The following ADAMTS6 variants were observed in gnomAD, a reference collection of about 807,000 sequenced individuals.
The protein encoded by ADAMTS6 is ADAM metallopeptidase with thrombospondin type 1 motif 6, also known as A disintegrin and metalloproteinase with thrombospondin motifs 6.
Under a neutral mutation model 144.3 loss-of-function variants are expected in ADAMTS6, and 23 were observed. The observed-to-expected ratio is 0.16, with a 90% CI of 0.11 to 0.23. The LOEUF is 0.23. ADAMTS6 is among the 10% of genes least tolerant of loss of function. The pLI is 1.00. For missense variants in ADAMTS6, 999 were observed against 1,379.6 expected (o/e 0.72, Z 4.37); for synonymous variants, 444 against 457.5 (o/e 0.97, Z 0.38).
intron 22 of ADAMTS6, among the ~76,000 whole-genome samples, chr5:65,182,462 AAAG>A (rs1454652749): frequency 6.6e-6 from 1 of 151,684 alleles, no homozygotes; most frequent in Non-Finnish European, 1.5e-5. Flanking sequence ...AAAAAAAAAA[AAAG>A]AAGGATGAGA....
chr5:65,340,967 G>A (rs969231590), intron 7 of ADAMTS6, among the ~76,000 whole-genome samples: 1 of 151,944 alleles, frequency 6.6e-6, no homozygotes, highest in African/African-American at 2.4e-5. Flanking sequence ...TCTAAAGAGA[G>A]AGATAGGCTG....
In ADAMTS6 at chr5:65,224,380, T is replaced by G. The variant is rs1223420113; in HGVS notation, c.2212A>C (p.Ile738Leu). The change falls in exon 18 of 25, where the codon ATA becomes CTA. Residue 738 changes from isoleucine to leucine, a missense_variant. Coordinates refer to ENST00000381055, the MANE Select transcript of ADAMTS6 (RefSeq NM_197941.4). ...TCAATGTGAACAGAGCCTCTTGGTATCTGCACCACTTCCATGTAGCCTGGA... is the reference window on the plus strand; with the variant it reads ...TCAATGTGAACAGAGCCTCTTGGTAGCTGCACCACTTCCATGTAGCCTGGA... ...PRGGYMEVVQ[I>L]PRGSVHIEVR... 6.2e-7 allele frequency: 1 copy of G among 1,614,126 alleles called. No individual in the cohort carries two copies.
intron 7 of ADAMTS6, among the ~76,000 whole-genome samples, chr5:65,373,788 G>T (rs375983924): frequency 6.6e-6 from 1 of 151,918 alleles, no homozygotes; most frequent in Non-Finnish European, 1.5e-5. Flanking sequence ...TACCAAAGCC[G>T]GGCAGAGACA....
At chr5:65,474,055 A>G (rs1263963717) in intron 1 of ADAMTS6, 103 bp from the exon 2 acceptor site, 1 of 375,598 alleles carries the variant, frequency 2.7e-6, no homozygotes, top group African/African-American at 2.1e-5. Context: ...CTACAAAATA[A>G]TATAGTTAAA....
chr5:65,415,404 A>C (rs2150189125), intron 7 of ADAMTS6: 1 of 162,020 alleles, frequency 6.2e-6, no homozygotes, highest in Middle Eastern at 2.8e-3. Context: ...AGGGATGGGA[A>C]ACCGCAGTGG....
At chr5:65,155,639 A>G (rs2111962009) in intron 24 of ADAMTS6, among the ~76,000 whole-genome samples, 1 of 152,342 alleles carries the variant, frequency 6.6e-6, no homozygotes, top group Middle Eastern at 3.4e-3. Flanking sequence ...ATAGACAGCA[A>G]AACATAAGCT....
chr5:65,333,524 T>TA lies in ADAMTS6; in HGVS notation c.1117+517dup, dbSNP rs113909783. 3.5e-3 allele frequency among the ~76,000 whole-genome samples: 527 copies of TA among 152,126 alleles called. 7 individuals carry two copies. Among genetic ancestry groups the TA allele is most frequent in the African/African-American group, 0.012 (507 of 41,534 alleles). On this transcript the variant is annotated intron_variant, in intron 8 of 24. Coordinates refer to ENST00000381055, the MANE Select transcript of ADAMTS6 (RefSeq NM_197941.4). ...TAGTATAAAATTTCCAATACTATCT[T>TA]AATTTATGGGGCTATACTTTTTCCA...
At chr5:65,449,062 T>C (rs985548962) in intron 7 of ADAMTS6, among the ~76,000 whole-genome samples, 11 of 152,188 alleles carry the variant, frequency 7.2e-5, no homozygotes, top group African/African-American at 2.7e-4. Flanking sequence ...TTAAAGATGA[T>C]ACTCCTCCCA....
intron 7 of ADAMTS6, among the ~76,000 whole-genome samples, chr5:65,372,190 T>A (rs553135904): frequency 8.3e-6 from 1 of 119,966 alleles, no homozygotes; most frequent in Non-Finnish European, 1.7e-5. Flanking sequence ...AAAGACCATC[T>A]GCATCAACTA....
chr5:65,462,861 C>T (rs189018031), intron 3 of ADAMTS6, among the ~76,000 whole-genome samples: 11 of 152,182 alleles, frequency 7.2e-5, no homozygotes, highest in Admixed American at 6.5e-4. Flanking sequence ...GCAGGTCAAT[C>T]ACGAGGTCAG....
At chr5:65,439,745 T>A (rs2150230307) in intron 7 of ADAMTS6, among the ~76,000 whole-genome samples, 1 of 152,294 alleles carries the variant, frequency 6.6e-6, no homozygotes, top group East Asian at 1.9e-4. Context: ...TAGTACTGTA[T>A]CAACACTACA....
At chr5:65,238,955 A>C (rs1758919458) in intron 15 of ADAMTS6, among the ~76,000 whole-genome samples, 1 of 152,306 alleles carries the variant, frequency 6.6e-6, no homozygotes, top group Admixed American at 6.5e-5. Context: ...TTTACATGAA[A>C]ATGCAAATCA....
chr5:65,158,279 T>G (rs1422889346), intron 24 of ADAMTS6, among the ~76,000 whole-genome samples: 1 of 152,170 alleles, frequency 6.6e-6, no homozygotes, highest in Admixed American at 6.5e-5. Context: ...CCAAAATTCT[T>G]GGTTTGAGAT....
chr5:65,335,732 G>GA (rs1017397849), intron 7 of ADAMTS6, among the ~76,000 whole-genome samples: 17 of 151,748 alleles, frequency 1.1e-4, no homozygotes, highest in South Asian at 2.1e-4. Flanking sequence ...GAAAAATGTT[G>GA]AAAAAAGATT....
chr5:65,227,920 C>G (rs1757846926), intron 15 of ADAMTS6, among the ~76,000 whole-genome samples: 1 of 152,130 alleles, frequency 6.6e-6, no homozygotes, highest in Non-Finnish European at 1.5e-5. Context: ...CTTACGACCT[C>G]TGGCCTGAGT....
intron 7 of ADAMTS6, among the ~76,000 whole-genome samples, chr5:65,412,408 ACACACATG>A (rs1383525348): frequency 2.6e-5 from 4 of 152,004 alleles, no homozygotes; most frequent in Non-Finnish European, 2.9e-5. Context: ...ATACACACAT[ACACACATG>A]CACACAGGCA....
intron 8 of ADAMTS6, among the ~76,000 whole-genome samples, chr5:65,331,561 T>C (rs1179992035): frequency 1.3e-5 from 2 of 152,192 alleles, no homozygotes; most frequent in Non-Finnish European, 2.9e-5. Context: ...ATTTTCTGTA[T>C]ACCTATAAAA....
At chr5:65,471,777 A>C (rs1391240349) in intron 2 of ADAMTS6, among the ~76,000 whole-genome samples, 1 of 152,210 alleles carries the variant, frequency 6.6e-6, no homozygotes, top group African/African-American at 2.4e-5. Context: ...AACAAAACGA[A>C]AAACAAAAAC....
chr5:65,190,641 T>C (rs1754960288), intron 21 of ADAMTS6, among the ~76,000 whole-genome samples: 1 of 152,148 alleles, frequency 6.6e-6, no homozygotes, highest in Non-Finnish European at 1.5e-5. Flanking sequence ...CAGGGACACC[T>C]CTGTCTTTTT....
Sources: gnomAD v4.1 joint callset for allele counts (sites outside exome capture counted in the v4.1 genomes callset) on GRCh38, gnomAD v4.1.1 for gene constraint, MANE v1.5 for transcripts, NCBI Gene and HGNC (gene_info 2026-07-23, HGNC 2026-07-21) for gene names.